Variants in ATP6V1E2 observed in about 807,000 individuals in gnomAD.
The protein encoded by ATP6V1E2 is ATPase H+ transporting V1 subunit E2.
For synonymous variants in ATP6V1E2, 121 were observed against 104.2 expected (o/e 1.16, Z -0.98); for missense variants, 308 against 273.3 (o/e 1.13, Z -0.90).
Position 46,542,362 on chromosome 2 carries a change from G to A in ATP6V1E2, c.-519C>T, listed in dbSNP as rs1667827330. ...ATCGTGGAGGTCGTCGTGGTTCCCC[G>A]AGAGGCCTCCACGTCTTCTCCCAGC... On this transcript the variant is annotated 5_prime_UTR_variant, in exon 1 of 5. Coordinates refer to ENST00000522587, the MANE Select transcript of ATP6V1E2 (RefSeq NM_001318063.2). 6.6e-6 allele frequency: 1 copy of A among 151,684 alleles called. No homozygotes were observed. Among genetic ancestry groups the A allele is most frequent in the Non-Finnish European group, 1.5e-5 (1 of 67,902 alleles). The allele number at this position is 151,684 out of a possible 1,614,324, so 9.4% of individuals were successfully genotyped here. A position where few individuals can be genotyped will look rare whatever the true frequency, so the allele number is the denominator to read the frequency against.
intron 4 of ATP6V1E2, among the ~76,000 whole-genome samples, chr2:46,529,317 C>A (rs927845654): frequency 3.3e-5 from 5 of 152,210 alleles, no homozygotes; most frequent in African/African-American, 1.2e-4. Context: ...TACTGGTTTG[C>A]AAGGAAAAGA....
chr2:46,514,134 G>A (rs944749604), intron 4 of ATP6V1E2, among the ~76,000 whole-genome samples: 22 of 151,822 alleles, frequency 1.4e-4, no homozygotes, highest in Non-Finnish European at 2.6e-4. Flanking sequence ...AAAAAAATTA[G>A]CTGGGTGTGG....
chr2:46,524,383 T>C (rs1040726914), intron 4 of ATP6V1E2, among the ~76,000 whole-genome samples: 1 of 152,178 alleles, frequency 6.6e-6, no homozygotes, highest in Non-Finnish European at 1.5e-5. Flanking sequence ...TCAGGGCACA[T>C]CAACATAGTA....
chr2:46,534,468 A>G (rs1667342926), intron 4 of ATP6V1E2: 1 of 151,410 alleles, frequency 6.6e-6, no homozygotes, highest in Non-Finnish European at 1.5e-5. Flanking sequence ...TAATTTTTTA[A>G]GTCCTTGTCT....
At chr2:46,525,437 G>A (rs1157441069) in intron 4 of ATP6V1E2, among the ~76,000 whole-genome samples, 1 of 140,408 alleles carries the variant, frequency 7.1e-6, no homozygotes, top group Non-Finnish European at 1.5e-5. Flanking sequence ...ACTCCCGCCT[G>A]GGCGACAGAA....
At chr2:46,522,209 G>T (rs1384355874) in intron 4 of ATP6V1E2, among the ~76,000 whole-genome samples, 1 of 150,984 alleles carries the variant, frequency 6.6e-6, no homozygotes, top group African/African-American at 2.4e-5. Context: ...AGGATTGCTT[G>T]AGAGGTCGAG....
At chr2:46,523,800 T>A (rs528902480) in intron 4 of ATP6V1E2, among the ~76,000 whole-genome samples, 1 of 152,346 alleles carries the variant, frequency 6.6e-6, no homozygotes, top group East Asian at 1.9e-4. Flanking sequence ...GGAATAGCAC[T>A]GAATCTATAA....
chr2:46,534,103 A>G (rs1163636330), intron 4 of ATP6V1E2, among the ~76,000 whole-genome samples: 1 of 152,144 alleles, frequency 6.6e-6, no homozygotes, highest in Non-Finnish European at 1.5e-5. Context: ...TTGGCGCTAT[A>G]CGTTTACAAT....
Position 46,530,353 on chromosome 2 carries a change from C to A in ATP6V1E2, c.-102+5460G>T, listed in dbSNP as rs1189842180. Among the ~76,000 whole-genome samples, 4 of 152,160 alleles carry A rather than the reference C, an allele frequency of 2.6e-5. No individual in the cohort carries two copies. The highest frequency in any genetic ancestry group is 2.9e-5 in the Non-Finnish European group (2 of 68,028). On this transcript the variant is annotated intron_variant, in intron 4 of 4. Transcript: ENST00000522587. The surrounding 1 kb of genome is among the most constrained non-coding windows in gnomAD (Gnocchi z 5.2). Reference sequence around the variant, plus strand: ...GTCATGCCCCCAATTCTGCCACTATCTCAGGGTAGGTCAGGCATCCACCTC... The same window carrying A: ...GTCATGCCCCCAATTCTGCCACTATATCAGGGTAGGTCAGGCATCCACCTC...
At chr2:46,512,856 T>C (rs943451889) in intron 4 of ATP6V1E2, 44 bp from the exon 5 acceptor site, 10 of 702,050 alleles carry the variant, frequency 1.4e-5, no homozygotes, top group African/African-American at 7.2e-5. Context: ...TCAGAGGCTA[T>C]AGAGGAGGAT....
In ATP6V1E2 at chr2:46,530,261, C is replaced by T. The variant is rs183160116; in HGVS notation, c.-102+5552G>A. On this transcript the variant is annotated intron_variant, in intron 4 of 4. Coordinates refer to ENST00000522587, the MANE Select transcript of ATP6V1E2 (RefSeq NM_001318063.2). This position sits in a 1 kb window ranked among gnomAD's most constrained non-coding sequence, Gnocchi z 5.2. ...ATGGCGCCAGGAGAGAAGCACTGGG[C>T]TGAACAGAAGCTGAGAAGAGGTTCA... Among the ~76,000 whole-genome samples, 1 of 152,230 alleles carries T rather than the reference C, an allele frequency of 6.6e-6. No homozygotes were observed. The highest frequency in any genetic ancestry group is 1.9e-4 in the East Asian group (1 of 5,180).
Position 46,512,063 on chromosome 2 carries a change from C to A in ATP6V1E2, c.649G>T (p.Gly217Cys). The change falls in exon 5 of 5, where the codon GGT (glycine) becomes TGT (cysteine). Residue 217 changes from glycine (G) to cysteine (C), a missense_variant. Gly to Cys is a radical substitution (Grantham distance 159). Coordinates refer to ENST00000522587, the MANE Select transcript of ATP6V1E2 (RefSeq NM_001318063.2). ...AAGAACTTTCTGTTGGTGTTAGCAC[C>A]AAACAAGGCCATTCGTATTTCTGGC... ...KMPEIRMALF[G>C]ANTNRKFFI 4 of 1,609,548 alleles carry A rather than the reference C, an allele frequency of 2.5e-6. No homozygotes were observed. The highest frequency in any genetic ancestry group is 3.4e-6 in the Non-Finnish European group (4 of 1,177,994).
chr2:46,518,532 A>C (rs1666421983), intron 4 of ATP6V1E2, among the ~76,000 whole-genome samples: 1 of 109,266 alleles, frequency 9.2e-6, no homozygotes, highest in Non-Finnish European at 2.2e-5. Context: ...CACAAATGCT[A>C]TCCCAGAAAC....
Position 46,529,983 on chromosome 2 carries a change from A to T in ATP6V1E2, c.-102+5830T>A, listed in dbSNP as rs1667109277. Reference sequence around the variant, plus strand: ...AGCTCAGGGTAGGAAATGTTTTCGAACCAGAAAGAAATTATTTCAGTATAT... The same window carrying T: ...AGCTCAGGGTAGGAAATGTTTTCGATCCAGAAAGAAATTATTTCAGTATAT... On this transcript the variant is annotated intron_variant, in intron 4 of 4. Coordinates refer to ENST00000522587, the MANE Select transcript of ATP6V1E2 (RefSeq NM_001318063.2). 2.6e-5 allele frequency among the ~76,000 whole-genome samples: 4 copies of T among 152,090 alleles called. No homozygotes were observed. The South Asian group carries it at 8.3e-4, about 32-fold the overall frequency.
At chr2:46,527,852 T>C (rs949525990) in intron 4 of ATP6V1E2, 1 of 152,266 alleles carries the variant, frequency 6.6e-6, no homozygotes, top group African/African-American at 2.4e-5. Flanking sequence ...ACTCAAGTTC[T>C]TTGCCCATTT....
intron 4 of ATP6V1E2, among the ~76,000 whole-genome samples, chr2:46,517,396 G>A (rs371078284): frequency 5.3e-5 from 8 of 152,108 alleles, no homozygotes; most frequent in South Asian, 2.1e-4. Context: ...AGAAACAAAC[G>A]GGAAAAGCTT....
chr2:46,539,992 G>A (rs1008533235), intron 2 of ATP6V1E2, among the ~76,000 whole-genome samples: 1 of 152,172 alleles, frequency 6.6e-6, no homozygotes, highest in African/African-American at 2.4e-5. Flanking sequence ...TGGCTTTCCA[G>A]CTCTTTGTCC....
chr2:46,525,072 G>C (rs922430506), intron 4 of ATP6V1E2, among the ~76,000 whole-genome samples: 1 of 152,166 alleles, frequency 6.6e-6, no homozygotes, highest in Non-Finnish European at 1.5e-5. Context: ...AAGGCATCGC[G>C]ATTGGAAGGA....
intron 4 of ATP6V1E2, among the ~76,000 whole-genome samples, chr2:46,525,468 AAAAAAAAAG>A (rs1381511024): frequency 8.0e-5 from 10 of 124,494 alleles, no homozygotes; most frequent in Admixed American, 5.7e-4. Context: ...TCTCAAAAAA[AAAAAAAAAG>A]AAAAAAAAAA....
Sources: allele counts gnomAD v4.1 joint callset (sites outside exome capture counted in the v4.1 genomes callset), GRCh38; gene constraint gnomAD v4.1.1; non-coding constraint Gnocchi (gnomAD v3.1); transcripts MANE v1.5; gene names NCBI Gene and HGNC (gene_info 2026-07-23, HGNC 2026-07-21).